Variants in DENND2A observed in about 807,000 individuals in gnomAD.
DENND2A encodes the protein DENN domain-containing protein 2A.
DENND2A carries 53 observed loss-of-function variants against 105.3 expected under a neutral mutation model. The ratio of observed to expected loss-of-function variants is 0.50; its 90% CI spans 0.40 to 0.63. The LOEUF (loss-of-function observed/expected upper bound fraction) is 0.63. DENND2A is among the 30% of genes least tolerant of loss of function. DENND2A has a pLI of 0.00. For missense variants in DENND2A, 1,138 were observed against 1,279.6 expected, an observed-to-expected ratio of 0.89 and a Z score of 1.69; for synonymous variants, 522 against 508.4, an observed-to-expected ratio of 1.03 and a Z score of -0.36.
rs774352280 is a variant in DENND2A at position 140,518,668 on chromosome 7, G to A, written c.*39C>T. The A allele has an allele frequency of 6.2e-7, 1 of 1,604,592 alleles. No homozygotes were observed. Among genetic ancestry groups the A allele is most frequent in the South Asian group, 1.1e-5 (1 of 90,798 alleles). ...CACCAGGAACTGTTTTTAAAGCATA[G>A]GGCTGCACTAGGAGGAAGTTTTCCC... On this transcript the variant is annotated 3_prime_UTR_variant, in exon 20 of 20. Transcript: ENST00000496613.
chr7:140,608,423 T>C (rs1369108420), intron 1 of DENND2A, among the ~76,000 whole-genome samples: 2 of 152,190 alleles, frequency 1.3e-5, no homozygotes, highest in Non-Finnish European at 2.9e-5. Context: ...ACACCTGTAA[T>C]TCCAGCACTT....
chr7:140,543,038 G>C (rs1368938304), intron 14 of DENND2A, among the ~76,000 whole-genome samples: 1 of 151,834 alleles, frequency 6.6e-6, no homozygotes, highest in Non-Finnish European at 1.5e-5. Flanking sequence ...GCCTCTACCT[G>C]CCTCTAATGT....
intron 1 of DENND2A, among the ~76,000 whole-genome samples, chr7:140,635,436 G>A (rs1800887835): frequency 6.6e-6 from 1 of 152,162 alleles, no homozygotes; most frequent in Non-Finnish European, 1.5e-5. Context: ...GGTCTGATAA[G>A]CCCTTCAGAT....
At chr7:140,551,173 C>A (rs1797121411) in intron 12 of DENND2A, among the ~76,000 whole-genome samples, 1 of 151,448 alleles carries the variant, frequency 6.6e-6, no homozygotes, top group South Asian at 2.1e-4. Context: ...TGGTGGCGGG[C>A]TCCTGTAATC....
At chr7:140,556,513 T>G (rs911732830) in intron 11 of DENND2A, among the ~76,000 whole-genome samples, 1 of 151,942 alleles carries the variant, frequency 6.6e-6, no homozygotes, top group African/African-American at 2.4e-5. Context: ...TATTTTTTTG[T>G]ATTTTTAGTA....
intron 1 of DENND2A, among the ~76,000 whole-genome samples, chr7:140,626,552 C>T (rs975161119): frequency 3.3e-5 from 5 of 152,256 alleles, no homozygotes; most frequent in African/African-American, 1.2e-4. Context: ...AGGTCACGTT[C>T]GTTTGCTTGC....
intron 14 of DENND2A, among the ~76,000 whole-genome samples, chr7:140,537,692 T>C (rs1796498330): frequency 6.6e-6 from 1 of 151,990 alleles, no homozygotes. Context: ...TTTTAAGAGA[T>C]GGGGTCTTGC....
intron 1 of DENND2A, among the ~76,000 whole-genome samples, chr7:140,617,612 G>T (rs1310824600): frequency 6.6e-6 from 1 of 152,144 alleles, no homozygotes; most frequent in Admixed American, 6.5e-5. Flanking sequence ...TACTCGGGAG[G>T]CTGAGGGAGG....
chr7:140,592,069 G>A (rs1325322556), intron 3 of DENND2A, among the ~76,000 whole-genome samples: 1 of 131,676 alleles, frequency 7.6e-6, no homozygotes, highest in South Asian at 2.5e-4. Flanking sequence ...ATGGAGTTTC[G>A]CTCTTGACGC....
At chr7:140,553,375 T>C (rs1797219015) in intron 12 of DENND2A, among the ~76,000 whole-genome samples, 1 of 152,232 alleles carries the variant, frequency 6.6e-6, no homozygotes, top group African/African-American at 2.4e-5. Flanking sequence ...AGGCGGTTTT[T>C]CCCTATCTCA....
chr7:140,595,371 C>A (rs1799240138), intron 3 of DENND2A, among the ~76,000 whole-genome samples: 3 of 151,920 alleles, frequency 2.0e-5, no homozygotes, highest in South Asian at 2.1e-4. Context: ...TTTATCCCTA[C>A]TTCAAGATTT....
At position 140,527,199 on chromosome 7, in the gene DENND2A, A is replaced by C. The variant is rs1162443393; in HGVS notation, c.2505+119T>G. Reference sequence around the variant, plus strand: ...TGCCAGACAAAGCCCTGGTGCCCCCACGCCCTGCTCCCCAACACTGCTGGC... The same window carrying C: ...TGCCAGACAAAGCCCTGGTGCCCCCCCGCCCTGCTCCCCAACACTGCTGGC... On this transcript the variant is annotated intron_variant, in intron 15 of 19. Coordinates refer to ENST00000496613, the MANE Select transcript of DENND2A (RefSeq NM_015689.5). This position sits in a 1 kb window ranked among gnomAD's most constrained non-coding sequence, Gnocchi z 4.9. 3 of 1,158,318 alleles carry C rather than the reference A, an allele frequency of 2.6e-6. No homozygotes were observed. The East Asian group carries it at 8.0e-5, about 31-fold the overall frequency. 71.8% of individuals were successfully genotyped at this position (1,158,318 alleles called of 1,614,324 possible).
chr7:140,556,905 A>G (rs937160328), intron 11 of DENND2A, among the ~76,000 whole-genome samples: 2 of 152,188 alleles, frequency 1.3e-5, no homozygotes, highest in Admixed American at 6.6e-5. Context: ...ATGCTTTAGC[A>G]GGATCATTGC....
At chr7:140,520,530 A>T (rs1049217230) in intron 18 of DENND2A, among the ~76,000 whole-genome samples, 10 of 150,364 alleles carry the variant, frequency 6.7e-5, no homozygotes, top group African/African-American at 2.0e-4. Context: ...TTCATTGCTG[A>T]CTGATCTTTC....
At chr7:140,544,392 A>G (rs1796806267) in intron 14 of DENND2A, 1 of 604,714 alleles carries the variant, frequency 1.7e-6, no homozygotes, top group Non-Finnish European at 2.9e-6. Flanking sequence ...ACGGAGTTTC[A>G]CCATGTTGCA....
chr7:140,631,313 G>A (rs1454046585), intron 1 of DENND2A, among the ~76,000 whole-genome samples: 2 of 152,150 alleles, frequency 1.3e-5, no homozygotes, highest in Non-Finnish European at 2.9e-5. Context: ...CCCAAAAGGA[G>A]CATTCTCTTT....
At chr7:140,569,927 T>C (rs1798025214) in intron 6 of DENND2A, among the ~76,000 whole-genome samples, 189 bp from the exon 7 acceptor site, 3 of 151,900 alleles carry the variant, frequency 2.0e-5, no homozygotes, top group Admixed American at 2.0e-4. Flanking sequence ...AGAGTTTCGC[T>C]CTTGTCGACC....
At chr7:140,569,819 CT>C (rs1316446871) in intron 6 of DENND2A, 81 bp from the exon 7 acceptor site, 10 of 981,124 alleles carry the variant, frequency 1.0e-5, no homozygotes, top group Non-Finnish European at 1.6e-5. Flanking sequence ...TGCCCCTCTC[CT>C]AGGACGATGG....
intron 3 of DENND2A, among the ~76,000 whole-genome samples, chr7:140,589,098 G>C (rs1455612199): frequency 6.6e-6 from 1 of 152,086 alleles, no homozygotes; most frequent in African/African-American, 2.4e-5. Context: ...TAGATAAATT[G>C]CTCCAGGTAT....
Sources: allele counts gnomAD v4.1 joint callset (sites outside exome capture counted in the v4.1 genomes callset), GRCh38; gene constraint gnomAD v4.1.1; non-coding constraint Gnocchi (gnomAD v3.1); transcripts MANE v1.5; gene names NCBI Gene and HGNC (gene_info 2026-07-23, HGNC 2026-07-21).